C2CD5: variants seen among roughly 807,000 people sequenced by gnomAD.
The protein encoded by C2CD5 is C2 calcium dependent domain containing 5.
In C2CD5, 109 loss-of-function variants were observed where a neutral mutation model predicts 130.3. The ratio of observed to expected loss-of-function variants is 0.84; its 90% CI spans 0.72 to 0.98. The LOEUF (loss-of-function observed/expected upper bound fraction) is 0.98. C2CD5 is among the 50% of genes least tolerant of loss of function. The pLI is 0.00. For synonymous variants in C2CD5, 454 were observed against 429.2 expected, an observed-to-expected ratio of 1.06 and a Z score of -0.71; for missense variants, 996 against 1,261.8, an observed-to-expected ratio of 0.79 and a Z score of 3.19.
intron 2 of C2CD5, among the ~76,000 whole-genome samples, chr12:22,539,517 C>T (rs1395447136): frequency 6.6e-6 from 1 of 152,174 alleles, no homozygotes; most frequent in East Asian, 1.9e-4. Flanking sequence ...ACAGAACCAA[C>T]TCCAACTCCT....
At chr12:22,519,462 TTTA>T (rs1035783390) in intron 7 of C2CD5, among the ~76,000 whole-genome samples, 4 of 152,064 alleles carry the variant, frequency 2.6e-5, no homozygotes, top group South Asian at 2.1e-4. Context: ...TTGTGATTAA[TTTA>T]TTAATTGTGA....
rs140871632 is a variant in C2CD5 at position 22,485,436 on chromosome 12, T to A, written c.1359-548A>T. On this transcript the variant is annotated intron_variant, in intron 12 of 26. Transcript: ENST00000446597. The stretch of plus-strand genomic sequence containing the variant: ...TAATTGATAATTTAATTGTACATTT[T>A]CATGTACCCTATAAATATATACAGC... 1.8e-4 allele frequency among the ~76,000 whole-genome samples: 28 copies of A among 152,138 alleles called. No homozygotes were observed. In the East Asian group the frequency reaches 5.2e-3, roughly 28 times the overall value.
intron 12 of C2CD5, among the ~76,000 whole-genome samples, chr12:22,485,855 C>T (rs1305386861): frequency 6.6e-6 from 1 of 151,886 alleles, no homozygotes; most frequent in African/African-American, 2.4e-5. Flanking sequence ...AGGGATTATC[C>T]CTGAATAGTG....
At chr12:22,490,070 CG>C (rs1311144919) in intron 12 of C2CD5, 52 bp downstream of exon 12, 6 of 1,336,354 alleles carry the variant, frequency 4.5e-6, no homozygotes, top group Non-Finnish European at 6.4e-6. Context: ...GAAAAAAAGT[CG>C]ACCTCTCCCT....
At chr12:22,480,109 AC>A (rs1008446593) in intron 14 of C2CD5, among the ~76,000 whole-genome samples, 4 of 152,068 alleles carry the variant, frequency 2.6e-5, no homozygotes, top group Non-Finnish European at 4.4e-5. Context: ...CAACCAGGGA[AC>A]CCCCTTCTCT....
chr12:22,471,568 T>C (rs1943039284), intron 19 of C2CD5, 80 bp from the exon 20 acceptor site: 2 of 698,892 alleles, frequency 2.9e-6, no homozygotes, highest in Non-Finnish European at 4.6e-6. Flanking sequence ...GTACATTATA[T>C]TATAGCAAAT....
chr12:22,481,405 G>A (rs2136294900), intron 14 of C2CD5, among the ~76,000 whole-genome samples: 1 of 152,192 alleles, frequency 6.6e-6, no homozygotes, highest in Middle Eastern at 3.4e-3. Flanking sequence ...CCAAAATGCT[G>A]GTTAGCAAAG....
chr12:22,508,961 C>T (rs1288141075), intron 9 of C2CD5, among the ~76,000 whole-genome samples: 1 of 151,524 alleles, frequency 6.6e-6, no homozygotes, highest in Non-Finnish European at 1.5e-5. Context: ...ACTGCAAGCT[C>T]CGCTTCCCGG....
At position 22,478,443 on chromosome 12, in the gene C2CD5, G is replaced by T. The variant is rs200461707; in HGVS notation, c.1772C>A (p.Thr591Asn). The T allele has an allele frequency of 1.9e-6, 3 of 1,613,772 alleles. No homozygotes were observed. The highest frequency in any genetic ancestry group is 2.5e-6 in the Non-Finnish European group (3 of 1,179,762). The change falls in exon 15 of 27, where the codon ACT becomes AAT. Residue 591 changes from threonine (T) to asparagine (N), a missense_variant. Physicochemically the swap from Thr to Asn is moderately conservative, Grantham distance 65. Coordinates refer to ENST00000446597, the MANE Select transcript of C2CD5 (RefSeq NM_001286176.2). ...CCCAGCAATCTGAATACCACCAGGA[G>T]TTGGTAAAGCTGCTAAATACACACC... ...ATGVYLAALP[T>N]PGGIQIAGKT... is the part of the protein sequence containing the mutation.
In C2CD5 at chr12:22,544,265, A is replaced by AGCGCGCGGGGGC. The variant is rs1270968048; in HGVS notation, c.-30+43_-30+54dup. On this transcript the variant is annotated intron_variant, in intron 1 of 26. Coordinates refer to ENST00000446597, the MANE Select transcript of C2CD5 (RefSeq NM_001286176.2). ...CGCGCGGGGTAACTGACAGCGAAGGAGCGCGCGGGGGCGCGCGCGGGCGCC... is the reference window on the plus strand; with the variant it reads ...CGCGCGGGGTAACTGACAGCGAAGGAGCGCGCGGGGGCGCGCGCGGGGGCGCGCGCGGGCGCC... The AGCGCGCGGGGGC allele has an allele frequency of 2.2e-3, 2,139 of 994,724 alleles. 9 individuals carry two copies. The highest frequency in any genetic ancestry group is 2.7e-3 in the Admixed American group (75 of 27,976). The allele number at this position is 994,724 out of a possible 1,614,324, so 61.6% of individuals were successfully genotyped here. A position where few individuals can be genotyped will look rare whatever the true frequency, so the allele number is the denominator to read the frequency against.
chr12:22,456,610 G>C (rs1939917258), intron 25 of C2CD5, among the ~76,000 whole-genome samples: 1 of 152,146 alleles, frequency 6.6e-6, no homozygotes, highest in Non-Finnish European at 1.5e-5. Context: ...CCTTAGACAT[G>C]TATCTGTAAT....
intron 10 of C2CD5, 29 bp downstream of exon 10, chr12:22,506,682 G>A (rs1378111239): frequency 4.2e-6 from 5 of 1,192,438 alleles, no homozygotes; most frequent in Non-Finnish European, 4.9e-6. Flanking sequence ...TTTAAATAAA[G>A]GAAACATTGA....
chr12:22,462,670 C>T (rs1215462937), intron 22 of C2CD5, among the ~76,000 whole-genome samples: 2 of 152,208 alleles, frequency 1.3e-5, no homozygotes. Context: ...GAGACTTTTC[C>T]ATTCTTCTAA....
intron 6 of C2CD5, 63 bp downstream of exon 6, chr12:22,524,409 G>A: frequency 6.9e-7 from 1 of 1,459,538 alleles, no homozygotes; most frequent in South Asian, 1.2e-5. Context: ...GCATGTCAAA[G>A]GAAAGCAAAA....
In C2CD5 at chr12:22,449,679, T is replaced by G; in HGVS notation, c.*81A>C. 1 of 1,279,622 alleles carries G rather than the reference T, an allele frequency of 7.8e-7. No individual in the cohort carries two copies. The highest frequency in any genetic ancestry group is 1.4e-5 in the South Asian group (1 of 70,796). The allele number at this position is 1,279,622 out of a possible 1,614,324, so 79.3% of individuals were successfully genotyped here. ...TCCTTATTTATCTCAAGTTCAATTT[T>G]AAGTCTAAGAAGATAATTAATGACA... is the stretch of plus-strand genomic sequence containing the variant. On this transcript the variant is annotated 3_prime_UTR_variant, in exon 27 of 27. Transcript: ENST00000446597.
At position 22,467,403 on chromosome 12, in the gene C2CD5, T is replaced by G. The variant is rs552686250; in HGVS notation, c.2533+2306A>C. Among the ~76,000 whole-genome samples the G allele has an allele frequency of 2.6e-5, 4 of 152,222 alleles. No individual in the cohort carries two copies. In the South Asian group the frequency reaches 8.3e-4, roughly 32 times the overall value. On this transcript the variant is annotated intron_variant, in intron 22 of 26. Coordinates refer to ENST00000446597, the MANE Select transcript of C2CD5 (RefSeq NM_001286176.2). ...ATCCGCCTGCTTCGGCCTCCCAAAG[T>G]GCTACGATTACAGATATGAGTCACC...
At chr12:22,524,437 A>G in intron 6 of C2CD5, 35 bp downstream of exon 6, 1 of 1,592,864 alleles carries the variant, frequency 6.3e-7, no homozygotes, top group South Asian at 1.1e-5. Context: ...GAGAGTACTA[A>G]ATCAGTCAGT....
intron 10 of C2CD5, chr12:22,497,540 A>G (rs930699425): frequency 5.0e-6 from 3 of 604,200 alleles, no homozygotes; most frequent in Non-Finnish European, 6.2e-6. Flanking sequence ...ATAATCTATC[A>G]TGTTAACGGA....
intron 10 of C2CD5, among the ~76,000 whole-genome samples, chr12:22,498,888 T>C (rs1399695148): frequency 6.6e-6 from 1 of 152,180 alleles, no homozygotes; most frequent in East Asian, 1.9e-4. Context: ...CCACGCTATA[T>C]AACTTCTTTA....
Sources: allele counts gnomAD v4.1 joint callset (sites outside exome capture counted in the v4.1 genomes callset), GRCh38; gene constraint gnomAD v4.1.1; transcripts MANE v1.5; gene names NCBI Gene and HGNC (gene_info 2026-07-23, HGNC 2026-07-21).